Variants in SUGCT observed in about 807,000 individuals in gnomAD.
SUGCT encodes succinyl-CoA:glutarate-CoA transferase.
Under a neutral mutation model 55.0 loss-of-function variants are expected in SUGCT, and 41 were observed. That is an observed-to-expected ratio of 0.74 (90% CI 0.58 to 0.97). The LOEUF (loss-of-function observed/expected upper bound fraction) is 0.97. Among genes scored for constraint, SUGCT ranks in the 50% least tolerant of loss-of-function variants. SUGCT has a pLI of 0.00. For missense variants in SUGCT, 568 were observed against 547.8 expected (o/e 1.04, Z -0.37); for synonymous variants, 187 against 200.4 (o/e 0.93, Z 0.56).
At chr7:40,247,307 G>C (rs543569998) in intron 7 of SUGCT, among the ~76,000 whole-genome samples, 2 of 152,144 alleles carry the variant, frequency 1.3e-5, no homozygotes, top group South Asian at 2.1e-4. Context: ...CCGGGCTGGA[G>C]TGCAGTGGCA....
chr7:40,501,675 A>G (rs554695678), intron 12 of SUGCT, among the ~76,000 whole-genome samples: 2 of 152,092 alleles, frequency 1.3e-5, no homozygotes, highest in African/African-American at 4.8e-5. Context: ...ATTGACATCC[A>G]CTATGTGTAT....
intron 7 of SUGCT, among the ~76,000 whole-genome samples, chr7:40,248,581 T>A (rs1360645910): frequency 6.6e-6 from 1 of 151,752 alleles, no homozygotes; most frequent in East Asian, 2.0e-4. Context: ...TATTATTATT[T>A]TTTTGAGATG....
the SUGCT span, among the ~76,000 whole-genome samples, chr7:40,904,295 G>A: frequency 1.4e-3 from 220 of 152,264 alleles, 4 homozygotes; most frequent in Middle Eastern, 0.024. Context: ...CAAATAAAGG[G>A]GCTTTGTGTT....
At chr7:40,884,052 GA>G in the SUGCT span, among the ~76,000 whole-genome samples, 1 of 151,336 alleles carries the variant, frequency 6.6e-6, no homozygotes, top group African/African-American at 2.4e-5. Flanking sequence ...TATCACTAGT[GA>G]AAAAAAAATC....
At chr7:40,750,217 A>C (rs1787940627) in intron 13 of SUGCT, among the ~76,000 whole-genome samples, 1 of 152,180 alleles carries the variant, frequency 6.6e-6, no homozygotes, top group Admixed American at 6.5e-5. Context: ...CATTTCTCTG[A>C]TAATCACAAT....
chr7:41,009,398 A>T, the SUGCT span, among the ~76,000 whole-genome samples: 5 of 152,192 alleles, frequency 3.3e-5, no homozygotes, highest in Admixed American at 6.5e-5. Flanking sequence ...AGGTTCCCAA[A>T]TCATAGGCCT....
intron 9 of SUGCT, among the ~76,000 whole-genome samples, chr7:40,409,530 G>T (rs1355634959): frequency 6.6e-6 from 1 of 152,132 alleles, no homozygotes; most frequent in African/African-American, 2.4e-5. Context: ...GAAGTGCTGG[G>T]ATTACAGGTA....
chr7:40,399,582 A>C (rs1785949699), intron 9 of SUGCT, among the ~76,000 whole-genome samples: 3 of 152,134 alleles, frequency 2.0e-5, no homozygotes. Context: ...CAGGAAAGAG[A>C]ATTCGTACCA....
chr7:40,203,634 G>A (rs1312075115), intron 6 of SUGCT, among the ~76,000 whole-genome samples: 1 of 152,034 alleles, frequency 6.6e-6, no homozygotes, highest in East Asian at 1.9e-4. Context: ...AATTAGCTGG[G>A]TGTGGTGGTG....
At chr7:40,254,068 A>C (rs771490097) in intron 7 of SUGCT, among the ~76,000 whole-genome samples, 40 of 152,224 alleles carry the variant, frequency 2.6e-4, no homozygotes, top group Non-Finnish European at 4.6e-4. Flanking sequence ...ATTTCATAAA[A>C]GTTATATCAC....
At chr7:40,177,797 TG>T (rs1174308737) in intron 1 of SUGCT, among the ~76,000 whole-genome samples, 1 of 152,194 alleles carries the variant, frequency 6.6e-6, no homozygotes, top group African/African-American at 2.4e-5. Context: ...TTGCCCAGGC[TG>T]GAGTGCAGTG....
chr7:40,700,885 G>A (rs1050090685), intron 12 of SUGCT, among the ~76,000 whole-genome samples: 2 of 152,158 alleles, frequency 1.3e-5, no homozygotes, highest in Non-Finnish European at 2.9e-5. Flanking sequence ...ACTCACTGAG[G>A]AGAGAAGAGC....
chr7:40,597,757 A>G (rs531864132), intron 12 of SUGCT, among the ~76,000 whole-genome samples: 3 of 152,318 alleles, frequency 2.0e-5, no homozygotes, highest in Admixed American at 6.5e-5. Flanking sequence ...TGAAAGGAAC[A>G]GAGTCCACTA....
chr7:40,160,509 G>A (rs757660997), intron 1 of SUGCT, among the ~76,000 whole-genome samples: 2 of 152,104 alleles, frequency 1.3e-5, no homozygotes, highest in Non-Finnish European at 2.9e-5. Context: ...GATTACAGGC[G>A]TGAGCCACCA....
chr7:40,406,327 C>T (rs1316563831), intron 9 of SUGCT, among the ~76,000 whole-genome samples: 1 of 152,066 alleles, frequency 6.6e-6, no homozygotes, highest in Non-Finnish European at 1.5e-5. Flanking sequence ...AATCTTGTGG[C>T]CTTTGGCTGT....
chr7:40,759,874 T>G (rs1788446019), intron 13 of SUGCT, among the ~76,000 whole-genome samples: 1 of 151,272 alleles, frequency 6.6e-6, no homozygotes, highest in Admixed American at 6.8e-5. Context: ...TCTGTAATTG[T>G]GTTTCTATTA....
Position 40,606,540 on chromosome 7 carries a change from C to A in SUGCT, c.1089+110154C>A, listed in dbSNP as rs140749589. On this transcript the variant is annotated intron_variant, in intron 12 of 13. Coordinates refer to ENST00000335693, the MANE Select transcript of SUGCT (RefSeq NM_001193313.2). ...GAGCCTTTCCTTGTTTCCTGCTTCC[C>A]TTTTACTTAGGAGATTAAAGTGACA... Among the ~76,000 whole-genome samples the A allele has an allele frequency of 3.0e-3, 457 of 152,250 alleles. 7 individuals are homozygous for A. Among genetic ancestry groups the A allele is most frequent in the East Asian group, 0.03 (154 of 5,178 alleles).
chr7:40,937,569 G>T, the SUGCT span, among the ~76,000 whole-genome samples: 1 of 152,054 alleles, frequency 6.6e-6, no homozygotes, highest in Non-Finnish European at 1.5e-5. Flanking sequence ...TCATTCTGGG[G>T]CTCTGATGTT....
chr7:40,684,520 G>A (rs1043984583), intron 12 of SUGCT, among the ~76,000 whole-genome samples: 4 of 152,070 alleles, frequency 2.6e-5, no homozygotes, highest in Non-Finnish European at 5.9e-5. Context: ...GCCACCTCTC[G>A]TCTTCAGATT....
Sources: gnomAD v4.1 joint callset for allele counts (sites outside exome capture counted in the v4.1 genomes callset) on GRCh38, gnomAD v4.1.1 for gene constraint, MANE v1.5 for transcripts, NCBI Gene and HGNC (gene_info 2026-07-23, HGNC 2026-07-21) for gene names.